The following PIGK variants were observed in gnomAD, a reference collection of about 807,000 sequenced individuals.
PIGK encodes the protein phosphatidylinositol glycan anchor biosynthesis class K.
A neutral mutation model predicts 50.6 loss-of-function variants in PIGK; 42 were observed. The ratio of observed to expected loss-of-function variants is 0.83; its 90% CI spans 0.65 to 1.07. The LOEUF is 1.07. PIGK is among the 50% of genes least tolerant of loss of function. The probability of loss-of-function intolerance (pLI) is 0.00; values close to 1 mark genes in which losing one functional copy is unlikely to be tolerated. For missense variants in PIGK, 448 were observed against 488.7 expected (o/e 0.92, Z 0.78); for synonymous variants, 151 against 156.0 (o/e 0.97, Z 0.24).
intron 9 of PIGK, among the ~76,000 whole-genome samples, chr1:77,128,467 G>GA (rs1414069619): frequency 6.6e-6 from 1 of 152,088 alleles, no homozygotes. Context: ...TAAAATCCCA[G>GA]AAAAATAAAC....
chr1:77,193,922 T>C (rs1410552345), intron 3 of PIGK, among the ~76,000 whole-genome samples: 2 of 152,168 alleles, frequency 1.3e-5, no homozygotes, highest in Non-Finnish European at 2.9e-5. Flanking sequence ...GGAGAAAATG[T>C]CTGCAAACTA....
At chr1:77,191,800 C>T (rs997468203) in intron 3 of PIGK, among the ~76,000 whole-genome samples, 1 of 152,074 alleles carries the variant, frequency 6.6e-6, no homozygotes, top group Non-Finnish European at 1.5e-5. Context: ...CCAAGGTGGG[C>T]GGATCGCTTG....
At chr1:77,174,850 C>T (rs1303927168) in intron 3 of PIGK, among the ~76,000 whole-genome samples, 1 of 150,792 alleles carries the variant, frequency 6.6e-6, no homozygotes, top group Non-Finnish European at 1.5e-5. Context: ...AAGGACTCCA[C>T]TCTAAAGCCA....
intron 8 of PIGK, among the ~76,000 whole-genome samples, chr1:77,160,899 A>G (rs1655114103): frequency 6.6e-6 from 1 of 152,168 alleles, no homozygotes; most frequent in Non-Finnish European, 1.5e-5. Flanking sequence ...AGGTCAATAA[A>G]AGACTGTGGT....
At chr1:77,148,383 A>G (rs147105003) in intron 9 of PIGK, among the ~76,000 whole-genome samples, 2,440 of 152,302 alleles carry the variant, frequency 0.016, 54 homozygotes, top group Admixed American at 0.055. Context: ...ATTTATTTAT[A>G]AACACTAGAG....
intron 9 of PIGK, among the ~76,000 whole-genome samples, chr1:77,132,652 T>C (rs12117718): frequency 1.5e-3 from 228 of 152,176 alleles, no homozygotes; most frequent in South Asian, 2.3e-3. Context: ...GCTCTCTTCA[T>C]TCTTTACTGA....
chr1:77,111,726 G>T (rs145359933), intron 10 of PIGK, among the ~76,000 whole-genome samples: 425 of 152,098 alleles, frequency 2.8e-3, no homozygotes, highest in African/African-American at 9.7e-3. Flanking sequence ...CCTGCACGTT[G>T]TGCACATGTA....
Position 77,091,747 on chromosome 1 carries a change from A to G in PIGK, c.*627T>C, listed in dbSNP as rs995654350. On this transcript the variant is annotated 3_prime_UTR_variant, in exon 11 of 11. Transcript: ENST00000370812. ...AAGCTGCAGGATTCCATGAGTGACCAGCAGTAAAATATTAATACATTAAAG... is the reference window on the plus strand; with the variant it reads ...AAGCTGCAGGATTCCATGAGTGACCGGCAGTAAAATATTAATACATTAAAG... The G allele has an allele frequency of 1.5e-4, 23 of 152,212 alleles. No homozygotes were observed. The highest frequency in any genetic ancestry group is 5.1e-4 in the African/African-American group (21 of 41,456). 9.4% of individuals were successfully genotyped at this position (152,212 alleles called of 1,614,324 possible). A position where few individuals can be genotyped will look rare whatever the true frequency, so the allele number is the denominator to read the frequency against.
At chr1:77,195,470 AAAAAGAAAAGAATGACTATT>A in intron 3 of PIGK, 1 of 849,138 alleles carries the variant, frequency 1.2e-6, no homozygotes, top group South Asian at 2.2e-5. Flanking sequence ...TGACTCAGAA[AAAAAGAAAAGAATGACTATT>A]AAAATGGCAC....
chr1:77,135,792 A>G (rs1238149889), intron 9 of PIGK, among the ~76,000 whole-genome samples: 1 of 142,464 alleles, frequency 7.0e-6, no homozygotes, highest in Non-Finnish European at 1.5e-5. Context: ...TTCCCAAAGG[A>G]AAAAAAAAAA....
intron 8 of PIGK, among the ~76,000 whole-genome samples, chr1:77,159,074 T>C (rs1655075433): frequency 6.6e-6 from 1 of 152,098 alleles, no homozygotes; most frequent in Non-Finnish European, 1.5e-5. Context: ...AATGATTTTG[T>C]GGGCTGGGCC....
At chr1:77,123,165 T>C (rs1326069564) in intron 9 of PIGK, among the ~76,000 whole-genome samples, 1 of 152,140 alleles carries the variant, frequency 6.6e-6, no homozygotes, top group Non-Finnish European at 1.5e-5. Flanking sequence ...GAAGAAAATG[T>C]AGTATAATGA....
intron 10 of PIGK, among the ~76,000 whole-genome samples, chr1:77,101,685 T>C (rs1031190638): frequency 6.6e-6 from 1 of 152,156 alleles, no homozygotes; most frequent in Admixed American, 6.5e-5. Flanking sequence ...TAGTTTAGGA[T>C]TCCACAGTGA....
chr1:77,115,953 C>G (rs981730732), intron 10 of PIGK, among the ~76,000 whole-genome samples: 2 of 151,884 alleles, frequency 1.3e-5, no homozygotes, highest in Non-Finnish European at 2.9e-5. Context: ...TAGGGGGAAC[C>G]AGAGAAAGCC....
chr1:77,116,562 C>CTGTGTGTGTGTGTGTG (rs763119489), intron 10 of PIGK, among the ~76,000 whole-genome samples: 11 of 135,090 alleles, frequency 8.1e-5, no homozygotes, highest in African/African-American at 3.2e-4. Flanking sequence ...AAATGTGTCT[C>CTGTGTGTGTGTGTGTG]TGTGTGTGTG....
chr1:77,163,210 T>C (rs1184556308), intron 6 of PIGK, among the ~76,000 whole-genome samples: 1 of 152,210 alleles, frequency 6.6e-6, no homozygotes, highest in Admixed American at 6.5e-5. Context: ...CATCATTGTA[T>C]ACATATTTCT....
chr1:77,129,084 T>C (rs1374846292), intron 9 of PIGK: 4 of 852,066 alleles, frequency 4.7e-6, no homozygotes, highest in Non-Finnish European at 8.2e-6. Context: ...TCTAGCTCTT[T>C]CCCTAAGCAG....
intron 3 of PIGK, among the ~76,000 whole-genome samples, chr1:77,201,418 T>C (rs932105726): frequency 6.6e-6 from 1 of 152,190 alleles, no homozygotes; most frequent in African/African-American, 2.4e-5. Flanking sequence ...CCTGGTAAGA[T>C]TGCCCCAGCC....
At chr1:77,186,357 C>T (rs1655741422) in intron 3 of PIGK, among the ~76,000 whole-genome samples, 2 of 152,210 alleles carry the variant, frequency 1.3e-5, no homozygotes, top group Admixed American at 1.3e-4. Flanking sequence ...CCCCAGTGGG[C>T]AGAACTTCGA....
Sources: gnomAD v4.1 joint callset for allele counts (sites outside exome capture counted in the v4.1 genomes callset) on GRCh38, gnomAD v4.1.1 for gene constraint, MANE v1.5 for transcripts, NCBI Gene and HGNC (gene_info 2026-07-23, HGNC 2026-07-21) for gene names.